The following TTLL8 variants were observed in gnomAD, a reference collection of about 807,000 sequenced individuals.
TTLL8 encodes the protein protein monoglycylase TTLL8.
TTLL8 carries 65 observed loss-of-function variants against 77.8 expected under a neutral mutation model. The ratio of observed to expected loss-of-function variants is 0.84; its 90% CI spans 0.68 to 1.03. TTLL8 has a LOEUF of 1.03. TTLL8 is among the 50% of genes least tolerant of loss of function. The pLI is 0.00. For synonymous variants in TTLL8, 402 were observed against 422.8 expected, an observed-to-expected ratio of 0.95 and a Z score of 0.60; for missense variants, 910 against 1,004.5, an observed-to-expected ratio of 0.91 and a Z score of 1.27.
At chr22:50,052,196 A>G (rs894574870) in intron 1 of TTLL8, among the ~76,000 whole-genome samples, 9 of 152,170 alleles carry the variant, frequency 5.9e-5, no homozygotes, top group Non-Finnish European at 1.2e-4. Context: ...GAATGAGCCT[A>G]TCACCCGAGG....
chr22:50,031,535 G>T, intron 11 of TTLL8, 151 bp downstream of exon 12: 2 of 1,180,390 alleles, frequency 1.7e-6, no homozygotes, highest in Non-Finnish European at 2.1e-6. Context: ...GGCCCTCAGC[G>T]GGACCGAGCA....
intron 12 of TTLL8, among the ~76,000 whole-genome samples, chr22:50,029,567 C>T (rs1457613718): frequency 2.0e-5 from 3 of 152,012 alleles, no homozygotes; most frequent in Non-Finnish European, 4.4e-5. Context: ...GGTGAAACCC[C>T]ATCTCTACTA....
In TTLL8 at chr22:50,030,751, C is replaced by A; in HGVS notation, c.1882G>T (p.Gly628Ter). 7.5e-7 allele frequency: 1 copy of A among 1,332,998 alleles called. No individual in the cohort carries two copies. The allele number at this position is 1,332,998 out of a possible 1,614,324, so 82.6% of individuals were successfully genotyped here. ...CGCTGGAGAGCTGGTGATGGGGGTC[C>A]CTGGGCAGGGTCTGGCATGGCCGAG... Residue 628 changes from glycine to a stop codon, truncating the protein, a stop_gained, in exon 12 of 14, where the codon GGA (glycine) becomes TGA (stop). Transcript: ENST00000266182. LOFTEE classifies it high-confidence loss of function.
exon 11 of TTLL8, chr22:50,032,080 T>C (rs752690401): frequency 7.3e-7 from 1 of 1,363,954 alleles, no homozygotes; most frequent in Admixed American, 1.9e-5. Context: ...CAGGTACTTC[T>C]GGACGGCGTT....
At chr22:50,051,927 T>C (rs1418839504) in intron 1 of TTLL8, among the ~76,000 whole-genome samples, 1 of 152,134 alleles carries the variant, frequency 6.6e-6, no homozygotes, top group Non-Finnish European at 1.5e-5. Flanking sequence ...CAGGAAGACA[T>C]CTGCTCAAAG....
In TTLL8 at chr22:50,033,463, T is replaced by C. The variant is rs758586447; in HGVS notation, c.1040-18A>G. On this transcript the variant is annotated intron_variant, in intron 9 of 13. Transcript: ENST00000266182. ...CACTATGTCTGCAAGAGGCCACCGC[T>C]CAACCCAGCATGCACAGCCACTGTG... is the stretch of plus-strand genomic sequence containing the variant. The C allele has an allele frequency of 3.7e-6, 5 of 1,353,244 alleles. No homozygotes were observed. The East Asian group carries it at 1.8e-4, about 50-fold the overall frequency. 83.8% of individuals were successfully genotyped at this position (1,353,244 alleles called of 1,614,324 possible).
chr22:50,022,143 A>G (rs2061206503), intron 12 of TTLL8, among the ~76,000 whole-genome samples: 2 of 119,040 alleles, frequency 1.7e-5, no homozygotes, highest in Admixed American at 1.7e-4. Context: ...TCTGACATGC[A>G]CTCCTCCATC....
intron 12 of TTLL8, among the ~76,000 whole-genome samples, chr22:50,023,344 T>G (rs979166676): frequency 2.0e-5 from 3 of 152,216 alleles, no homozygotes; most frequent in African/African-American, 7.2e-5. Context: ...CAAAATGATC[T>G]ATAGATTTGA....
intron 12 of TTLL8, chr22:50,030,064 C>T (rs1011621901): frequency 1.7e-5 from 13 of 744,400 alleles, no homozygotes; most frequent in Middle Eastern, 1.3e-3. Context: ...GCCCCTCGCT[C>T]GGCCAGGGAG....
chr22:50,046,098 C>A (rs1031620804), intron 4 of TTLL8, 128 bp from the exon 7 acceptor site: 2 of 782,460 alleles, frequency 2.6e-6, no homozygotes, highest in Non-Finnish European at 3.6e-6. Context: ...ACCCCTAGGG[C>A]GGATCCCTCC....
chr22:50,041,167 G>C lies in TTLL8; in HGVS notation c.921+20C>G. 1 of 419,056 alleles carries C rather than the reference G, an allele frequency of 2.4e-6. No individual in the cohort carries two copies. Among genetic ancestry groups the C allele is most frequent in the South Asian group, 1.9e-5 (1 of 51,596 alleles). 26.0% of individuals were successfully genotyped at this position (419,056 alleles called of 1,614,324 possible). ...CAAGAGTGAGGCAGGTGCCCCAGTG[G>C]AGAGACAGACAAACCCCACCTGCCT... On this transcript the variant is annotated intron_variant, in intron 8 of 13. Coordinates refer to ENST00000266182, the Ensembl canonical transcript of TTLL8. The surrounding 1 kb of genome is among the most constrained non-coding windows in gnomAD (Gnocchi z 4.3).
chr22:50,057,497 T>TGG (rs1220581371), upstream of TTLL8, among the ~76,000 whole-genome samples: 7 of 32,202 alleles, frequency 2.2e-4, no homozygotes, highest in South Asian at 1.2e-3. Flanking sequence ...AGGTCTGGGT[T>TGG]GGGGTCAGGT....
intron 11 of TTLL8, 149 bp downstream of exon 12, chr22:50,031,537 G>C: frequency 3.4e-6 from 4 of 1,181,666 alleles, no homozygotes; most frequent in Non-Finnish European, 4.3e-6. Context: ...CCCTCAGCGG[G>C]ACCGAGCATG....
In TTLL8 at chr22:50,044,449, A is replaced by G. The variant is rs56263616; in HGVS notation, c.643+806T>C. Among the ~76,000 whole-genome samples, 9,694 of 152,328 alleles carry G rather than the reference A, an allele frequency of 0.064. 382 individuals carry two copies. The highest frequency in any genetic ancestry group is 0.13 in the Middle Eastern group (37 of 294). On this transcript the variant is annotated intron_variant, in intron 6 of 13. Transcript: ENST00000266182. The surrounding 1 kb of genome is among the most constrained non-coding windows in gnomAD (Gnocchi z 4.2). ...TAAGCACAGCCAATCACAGGCAGCC[A>G]GCTGGGAACAAGTTCTCACTCAGCA...
Position 50,037,586 on chromosome 22 carries a change from A to AT in TTLL8, c.922-3125dup, listed in dbSNP as rs202236689. The stretch of plus-strand genomic sequence containing the variant: ...ATTTGTGAAGCAGAATTCAAGGTAC[A>AT]TTTTTTTTTCGTATGGCTGACCACT... On this transcript the variant is annotated intron_variant, in intron 8 of 13. Transcript: ENST00000266182. Among the ~76,000 whole-genome samples, 657 of 151,050 alleles carry AT rather than the reference A, an allele frequency of 4.3e-3. 8 individuals are homozygous for AT. Among genetic ancestry groups the AT allele is most frequent in the African/African-American group, 0.015 (599 of 41,210 alleles).
Position 50,048,115 on chromosome 22 carries a change from A to AGTGTGTGTGT in TTLL8, c.265-829_265-820dup, listed in dbSNP as rs34500180. ...CCATCTGAAAACACCCCCCCAAAAA[A>AGTGTGTGTGT]GTGTGTGTGTGTGTGTGTGTGTGTG... On this transcript the variant is annotated intron_variant, in intron 3 of 13. Transcript: ENST00000266182. Among the ~76,000 whole-genome samples the AGTGTGTGTGT allele has an allele frequency of 3.5e-3, 510 of 145,738 alleles. 3 individuals are homozygous for AGTGTGTGTGT. Among genetic ancestry groups the AGTGTGTGTGT allele is most frequent in the African/African-American group, 0.012 (478 of 39,266 alleles).
chr22:50,034,812 G>T lies in TTLL8; in HGVS notation c.922-350C>A, dbSNP rs1325498677. Among the ~76,000 whole-genome samples, 1 of 152,316 alleles carries T rather than the reference G, an allele frequency of 6.6e-6. No homozygotes were observed. Among genetic ancestry groups the T allele is most frequent in the Non-Finnish European group, 1.5e-5 (1 of 68,026 alleles). ...GCACGGGTGGGGGTGGGGAGATGCA[G>T]CCACGCGGAAACGTGGGAGACACAG... On this transcript the variant is annotated intron_variant, in intron 8 of 13. Coordinates refer to ENST00000266182, the Ensembl canonical transcript of TTLL8. The surrounding 1 kb of genome is among the most constrained non-coding windows in gnomAD (Gnocchi z 4.1).
Position 50,034,634 on chromosome 22 carries a change from G to A in TTLL8, c.922-172C>T. ...GGGAAAGGGCTGCGGGTCGGCCCAG[G>A]AAGTTCTCCCAACAGTATGGACACC... On this transcript the variant is annotated intron_variant, in intron 8 of 13. Coordinates refer to ENST00000266182, the Ensembl canonical transcript of TTLL8. This position sits in a 1 kb window ranked among gnomAD's most constrained non-coding sequence, Gnocchi z 4.1. The A allele has an allele frequency of 1.9e-6, 1 of 539,434 alleles. No individual in the cohort carries two copies. The allele number at this position is 539,434 out of a possible 1,614,324, so 33.4% of individuals were successfully genotyped here.
At position 50,033,294 on chromosome 22, in the gene TTLL8, G is replaced by A. The variant is rs780901823; in HGVS notation, c.1191C>T (p.Leu397=). 34 of 1,363,770 alleles carry A rather than the reference G, an allele frequency of 2.5e-5. No homozygotes were observed. The East Asian group carries it at 2.7e-4, about 11-fold the overall frequency. 84.5% of individuals were successfully genotyped at this position (1,363,770 alleles called of 1,614,324 possible). Residue 397 remains leucine, a synonymous_variant, in exon 10 of 14, where the codon CTC becomes CTT. Coordinates refer to ENST00000266182, the Ensembl canonical transcript of TTLL8. ...TGGTCAGGGGGTTCCAGTCCGTGAC[G>A]AGGAACCACTGTCTGATGTCGAACT...
Sources: allele counts gnomAD v4.1 joint callset (sites outside exome capture counted in the v4.1 genomes callset), GRCh38; gene constraint gnomAD v4.1.1; non-coding constraint Gnocchi (gnomAD v3.1); transcripts MANE v1.5; gene names NCBI Gene and HGNC (gene_info 2026-07-23, HGNC 2026-07-21).